The following STARD13 variants were observed in gnomAD, a reference collection of about 807,000 sequenced individuals.
STARD13 encodes the protein stAR-related lipid transfer protein 13.
Under a neutral mutation model 106.4 loss-of-function variants are expected in STARD13, and 62 were observed. The observed-to-expected ratio is 0.58, with a 90% CI of 0.48 to 0.72. The LOEUF (loss-of-function observed/expected upper bound fraction) is 0.72. Ranked by LOEUF, STARD13 falls within the 30% of genes least tolerant of loss-of-function variation. The pLI is 0.00. For synonymous variants in STARD13, 565 were observed against 553.0 expected (o/e 1.02, Z -0.31); for missense variants, 1,387 against 1,424.0 (o/e 0.97, Z 0.42).
At chr13:33,562,286 C>T in the STARD13 span, among the ~76,000 whole-genome samples, 1 of 146,608 alleles carries the variant, frequency 6.8e-6, no homozygotes, top group Non-Finnish European at 1.5e-5. Context: ...TGGCCGTGTC[C>T]TCAAAGGACT....
At chr13:33,658,359 C>G in the STARD13 span, 1 of 152,244 alleles carries the variant, frequency 6.6e-6, no homozygotes, top group East Asian at 1.9e-4. Context: ...GCGCATAATG[C>G]TGCCATGAAC....
the STARD13 span, among the ~76,000 whole-genome samples, chr13:33,499,613 C>CT: frequency 8.5e-5 from 6 of 70,584 alleles, no homozygotes; most frequent in East Asian, 3.7e-4. Context: ...CTTTCTTCTT[C>CT]TTCTTCTTCT....
intron 1 of STARD13, among the ~76,000 whole-genome samples, chr13:33,193,161 T>G (rs1251720862): frequency 6.6e-6 from 1 of 152,200 alleles, no homozygotes; most frequent in Non-Finnish European, 1.5e-5. Context: ...CTCACATAAT[T>G]TCTTCATTTA....
the STARD13 span, among the ~76,000 whole-genome samples, chr13:33,505,605 G>A: frequency 7.2e-5 from 11 of 152,056 alleles, no homozygotes; most frequent in South Asian, 4.1e-4. Flanking sequence ...CAAATCTGCC[G>A]AAGAGCAATG....
the STARD13 span, among the ~76,000 whole-genome samples, chr13:33,465,306 C>A: frequency 1.2e-4 from 18 of 150,324 alleles, no homozygotes; most frequent in South Asian, 3.8e-3. Flanking sequence ...CCCGGGTTCA[C>A]GCCATTCTCC....
the STARD13 span, among the ~76,000 whole-genome samples, chr13:33,469,227 A>G: frequency 6.6e-6 from 1 of 152,318 alleles, no homozygotes; most frequent in African/African-American, 2.4e-5. Context: ...TGCATAGTTC[A>G]GGAAACTTAT....
intron 1 of STARD13, among the ~76,000 whole-genome samples, chr13:33,193,585 G>A (rs1886404488): frequency 1.3e-5 from 2 of 152,160 alleles, no homozygotes; most frequent in Admixed American, 1.3e-4. Flanking sequence ...CGACAAACCA[G>A]TCGGAAAGCG....
chr13:33,293,224 T>G (rs1195777741), intron 1 of STARD13, among the ~76,000 whole-genome samples: 1 of 152,202 alleles, frequency 6.6e-6, no homozygotes, highest in Non-Finnish European at 1.5e-5. Context: ...GTGTTGCTAA[T>G]TTTTCCCAGT....
At chr13:33,435,170 C>A in the STARD13 span, among the ~76,000 whole-genome samples, 1 of 152,140 alleles carries the variant, frequency 6.6e-6, no homozygotes, top group Non-Finnish European at 1.5e-5. Flanking sequence ...GTTAGTAGGG[C>A]AGGTTCCTTG....
chr13:33,194,524 A>C (rs1440815395), intron 1 of STARD13, among the ~76,000 whole-genome samples: 2 of 152,228 alleles, frequency 1.3e-5, no homozygotes, highest in Non-Finnish European at 2.9e-5. Flanking sequence ...TTGATTTAAA[A>C]GTAAGTTTAT....
At chr13:33,417,476 C>G in the STARD13 span, among the ~76,000 whole-genome samples, 1 of 152,126 alleles carries the variant, frequency 6.6e-6, no homozygotes, top group African/African-American at 2.4e-5. Flanking sequence ...GATGAATGTT[C>G]ATAGCGGCAT....
upstream of STARD13, among the ~76,000 whole-genome samples, chr13:33,353,444 C>T (rs950181690): frequency 9.9e-5 from 15 of 152,238 alleles, no homozygotes; most frequent in Middle Eastern, 3.4e-3. Context: ...GGCTGTCAGG[C>T]GACACCCTCC....
At chr13:33,193,563 G>C (rs9596933) in intron 1 of STARD13, among the ~76,000 whole-genome samples, 5 of 152,020 alleles carry the variant, frequency 3.3e-5, no homozygotes, top group Admixed American at 1.3e-4. Flanking sequence ...TAGAAGCTTA[G>C]AACACAACCA....
At chr13:33,497,787 C>A in the STARD13 span, among the ~76,000 whole-genome samples, 2 of 152,134 alleles carry the variant, frequency 1.3e-5, no homozygotes, top group Non-Finnish European at 2.9e-5. Flanking sequence ...TGGAGAGTAT[C>A]AGGTTTGGTG....
intron 1 of STARD13, among the ~76,000 whole-genome samples, chr13:33,256,006 T>C (rs1205067275): frequency 5.9e-5 from 9 of 152,240 alleles, no homozygotes; most frequent in African/African-American, 2.2e-4. Context: ...TATACATACA[T>C]AAGTTGATTA....
At chr13:33,390,618 A>G in the STARD13 span, among the ~76,000 whole-genome samples, 6 of 152,188 alleles carry the variant, frequency 3.9e-5, no homozygotes, top group African/African-American at 1.4e-4. Flanking sequence ...ATAACTCAGG[A>G]CACACACTTT....
At chr13:33,579,908 A>T in the STARD13 span, among the ~76,000 whole-genome samples, 2 of 151,986 alleles carry the variant, frequency 1.3e-5, no homozygotes, top group Admixed American at 6.6e-5. Context: ...AATCACAAAC[A>T]CAACACTGAA....
At chr13:33,333,058 A>G (rs994833081) in intron 1 of STARD13, among the ~76,000 whole-genome samples, 5 of 152,184 alleles carry the variant, frequency 3.3e-5, no homozygotes, top group South Asian at 2.1e-4. Flanking sequence ...CAAAAGGGAC[A>G]TTTCCATTTT....
the STARD13 span, among the ~76,000 whole-genome samples, chr13:33,481,443 C>G: frequency 6.6e-6 from 1 of 152,274 alleles, no homozygotes; most frequent in East Asian, 1.9e-4. Context: ...GAACCACAGT[C>G]TATTTGTGCT....
Sources: allele counts gnomAD v4.1 joint callset (sites outside exome capture counted in the v4.1 genomes callset), GRCh38; gene constraint gnomAD v4.1.1; transcripts MANE v1.5; gene names NCBI Gene and HGNC (gene_info 2026-07-23, HGNC 2026-07-21).